The following PHF21A variants were observed in gnomAD, a reference collection of about 807,000 sequenced individuals.
PHF21A encodes the protein BHC80a.
Under a neutral mutation model 82.5 loss-of-function variants are expected in PHF21A, and 11 were observed. The observed-to-expected ratio is 0.13, with a 90% CI of 0.08 to 0.22. PHF21A has a LOEUF of 0.22. PHF21A is among the 10% of genes least tolerant of loss of function. The pLI is 1.00. For synonymous variants in PHF21A, 297 were observed against 302.8 expected (o/e 0.98, Z 0.20); for missense variants, 579 against 837.8 (o/e 0.69, Z 3.81).
At chr11:46,066,236 T>C (rs2096592553) in intron 6 of PHF21A, among the ~76,000 whole-genome samples, 1 of 152,136 alleles carries the variant, frequency 6.6e-6, no homozygotes, top group African/African-American at 2.4e-5. Context: ...GACGAAGGGA[T>C]TTATGTTGTG....
chr11:46,014,790 C>G lies in PHF21A; in HGVS notation c.154-34824G>C, dbSNP rs1170459606. Among the ~76,000 whole-genome samples, 8 of 64,520 alleles carry G rather than the reference C, an allele frequency of 1.2e-4. 2 individuals are homozygous for G. Among genetic ancestry groups the G allele is most frequent in the Non-Finnish European group, 2.1e-4 (8 of 38,418 alleles). The allele number at this position is 64,520 out of a possible 152,430, so 42.3% of individuals were successfully genotyped here. A position where few individuals can be genotyped will look rare whatever the true frequency, so the allele number is the denominator to read the frequency against. ...GGTCAGGAGATCGAGACCATCCCGGCTAAAACGGTGAAACCCCGTCTCTAC... is the reference window on the plus strand; with the variant it reads ...GGTCAGGAGATCGAGACCATCCCGGGTAAAACGGTGAAACCCCGTCTCTAC... On this transcript the variant is annotated intron_variant, in intron 6 of 18. Transcript: ENST00000676320.
chr11:45,947,832 G>A (rs1036229027), intron 14 of PHF21A, among the ~76,000 whole-genome samples: 1 of 152,118 alleles, frequency 6.6e-6, no homozygotes, highest in African/African-American at 2.4e-5. Context: ...CTGTGGCCCA[G>A]GAATCAATAT....
At chr11:45,959,968 TG>T (rs568590254) in intron 10 of PHF21A, among the ~76,000 whole-genome samples, 45 of 152,188 alleles carry the variant, frequency 3.0e-4, no homozygotes, top group Non-Finnish European at 6.0e-4. Context: ...ATTAGGGAAA[TG>T]CACATCAACA....
intron 6 of PHF21A, among the ~76,000 whole-genome samples, chr11:46,024,645 C>A (rs2095703440): frequency 6.6e-6 from 1 of 151,854 alleles, no homozygotes; most frequent in Non-Finnish European, 1.5e-5. Flanking sequence ...ACTAAAAATA[C>A]AAAAAATTAG....
chr11:46,113,514 T>C (rs1447966613), intron 1 of PHF21A, among the ~76,000 whole-genome samples: 1 of 152,186 alleles, frequency 6.6e-6, no homozygotes, highest in Non-Finnish European at 1.5e-5. Context: ...TTCAACATTC[T>C]CTAATCCTCC....
chr11:46,081,800 A>G (rs1228907192), intron 4 of PHF21A, among the ~76,000 whole-genome samples: 4 of 152,218 alleles, frequency 2.6e-5, no homozygotes, highest in African/African-American at 4.8e-5. Flanking sequence ...AGTTTTATGG[A>G]AAAAAGCCAT....
At chr11:46,113,061 C>G (rs1490402056) in intron 1 of PHF21A, among the ~76,000 whole-genome samples, 1 of 152,108 alleles carries the variant, frequency 6.6e-6, no homozygotes, top group African/African-American at 2.4e-5. Context: ...GCAGAAAGTT[C>G]TTAGAGGGCT....
At chr11:45,970,810 G>A in intron 8 of PHF21A, 1 of 316,400 alleles carries the variant, frequency 3.2e-6, no homozygotes, top group Non-Finnish European at 5.9e-6. Flanking sequence ...GAGAGTGAAG[G>A]GAGAGGGAGA....
intron 6 of PHF21A, among the ~76,000 whole-genome samples, chr11:45,997,617 C>T (rs1278568703): frequency 6.6e-6 from 1 of 152,150 alleles, no homozygotes; most frequent in Non-Finnish European, 1.5e-5. Context: ...TCACTAAATG[C>T]TTGTTTTGCA....
rs566550183 is a variant in PHF21A at position 46,115,884 on chromosome 11, C to G, written c.-237+5051G>C. ...AACTTCAGTATGTCTTCACAGAAAGCTTTACTATTCACTGTCTGTAGGATG... is the reference window on the plus strand; with the variant it reads ...AACTTCAGTATGTCTTCACAGAAAGGTTTACTATTCACTGTCTGTAGGATG... On this transcript the variant is annotated intron_variant, in intron 1 of 18. Transcript: ENST00000676320. 9.9e-5 allele frequency among the ~76,000 whole-genome samples: 15 copies of G among 152,250 alleles called. No homozygotes were observed. In the East Asian group the frequency reaches 2.3e-3, roughly 23 times the overall value.
At chr11:46,049,734 T>C (rs2096319308) in intron 6 of PHF21A, among the ~76,000 whole-genome samples, 1 of 152,160 alleles carries the variant, frequency 6.6e-6, no homozygotes, top group Admixed American at 6.5e-5. Context: ...TATTGTAAAC[T>C]ATACTGAAAT....
At chr11:46,115,352 A>G (rs898837466) in intron 1 of PHF21A, among the ~76,000 whole-genome samples, 4 of 152,188 alleles carry the variant, frequency 2.6e-5, no homozygotes, top group African/African-American at 9.6e-5. Flanking sequence ...CTACTTCAAC[A>G]TTTTTACAAA....
intron 1 of PHF21A, chr11:46,120,679 T>A (rs1010566692): frequency 1.3e-5 from 2 of 151,784 alleles, no homozygotes; most frequent in Non-Finnish European, 2.9e-5. Context: ...TCAAGTTGAC[T>A]GAGGGGTCCT....
Position 45,933,828 on chromosome 11 carries a change from C to T in PHF21A, c.*140G>A. ...TGGCAAACTCTGGTGCCACCTGGCA[C>T]AAGCATCTTCTCTCTCTCTGGAACC... On this transcript the variant is annotated 3_prime_UTR_variant, in exon 19 of 19. Coordinates refer to ENST00000676320, the MANE Select transcript of PHF21A (RefSeq NM_001352027.3). 1 of 778,168 alleles carries T rather than the reference C, an allele frequency of 1.3e-6. No homozygotes were observed. The highest frequency in any genetic ancestry group is 1.9e-6 in the Non-Finnish European group (1 of 515,912). 48.2% of individuals were successfully genotyped at this position (778,168 alleles called of 1,614,324 possible). A position where few individuals can be genotyped will look rare whatever the true frequency, so the allele number is the denominator to read the frequency against.
chr11:45,962,749 C>T (rs113642312), intron 10 of PHF21A, among the ~76,000 whole-genome samples: 9 of 147,666 alleles, frequency 6.1e-5, no homozygotes, highest in African/African-American at 1.7e-4. Context: ...AAAAATTAGC[C>T]GGGCATGGTG....
intron 1 of PHF21A, among the ~76,000 whole-genome samples, chr11:46,105,614 A>AT (rs2097144665): frequency 1.3e-5 from 2 of 152,146 alleles, no homozygotes; most frequent in East Asian, 1.9e-4. Flanking sequence ...CCCAAACACC[A>AT]TAAAAAAAAA....
At chr11:45,958,304 G>A (rs2092811037) in intron 10 of PHF21A, among the ~76,000 whole-genome samples, 1 of 146,752 alleles carries the variant, frequency 6.8e-6, no homozygotes, top group African/African-American at 2.5e-5. Context: ...AATGGGCTGG[G>A]CGTGGTGGCT....
At chr11:45,940,177 T>C (rs2090065381) in intron 15 of PHF21A, among the ~76,000 whole-genome samples, 1 of 151,940 alleles carries the variant, frequency 6.6e-6, no homozygotes, top group African/African-American at 2.4e-5. Context: ...CATCATAGTG[T>C]GGATGGATTT....
chr11:46,004,399 G>T (rs910413483), intron 6 of PHF21A, among the ~76,000 whole-genome samples: 1 of 152,124 alleles, frequency 6.6e-6, no homozygotes, highest in Non-Finnish European at 1.5e-5. Context: ...AAAGGAAATG[G>T]ATTTCACTTT....
Sources: allele counts gnomAD v4.1 joint callset (sites outside exome capture counted in the v4.1 genomes callset), GRCh38; gene constraint gnomAD v4.1.1; transcripts MANE v1.5; gene names NCBI Gene and HGNC (gene_info 2026-07-23, HGNC 2026-07-21).